The following CFAP46 variants were observed in gnomAD, a reference collection of about 807,000 sequenced individuals.
CFAP46 encodes the protein cilia and flagella associated protein 46.
A neutral mutation model predicts 325.7 loss-of-function variants in CFAP46; 245 were observed. The ratio of observed to expected loss-of-function variants is 0.75; its 90% confidence interval spans 0.68 to 0.84. The LOEUF is 0.84. Among genes scored for constraint, CFAP46 ranks in the 40% least tolerant of loss-of-function variants. CFAP46 has a pLI of 0.00. For missense variants in CFAP46, 3,346 were observed against 3,543.0 expected (o/e 0.94, Z 1.41); for synonymous variants, 1,523 against 1,495.9 (o/e 1.02, Z -0.42).
intron 3 of CFAP46, among the ~76,000 whole-genome samples, chr10:132,941,381 G>A (rs1182470643): frequency 1.3e-5 from 2 of 152,236 alleles, no homozygotes; most frequent in Non-Finnish European, 2.9e-5. Context: ...GCTGCTACGA[G>A]GCAAAGGTCC....
At chr10:132,821,175 ATGTGTGCTG>A (rs1417004439) in intron 50 of CFAP46, among the ~76,000 whole-genome samples, 6 of 82,790 alleles carry the variant, frequency 7.2e-5, no homozygotes, top group South Asian at 4.3e-4. Context: ...CTGTGCGCTG[ATGTGTGCTG>A]TGTGTGCTGT....
intron 20 of CFAP46, among the ~76,000 whole-genome samples, 153 bp downstream of exon 20, chr10:132,909,766 G>A (rs907509119): frequency 9.2e-5 from 14 of 152,208 alleles, no homozygotes; most frequent in Admixed American, 7.2e-4. Context: ...AGCCAGCGGC[G>A]GTGAGCTCAG....
intron 17 of CFAP46, among the ~76,000 whole-genome samples, chr10:132,914,824 G>A (rs972152140): frequency 5.9e-5 from 9 of 151,784 alleles, no homozygotes; most frequent in East Asian, 1.9e-4. Context: ...ACCCCGGCCC[G>A]AGGCTGTGTC....
chr10:132,920,268 G>A (rs980999077), intron 13 of CFAP46, 86 bp from the exon 14 acceptor site: 1 of 1,416,902 alleles, frequency 7.1e-7, no homozygotes, highest in African/African-American at 1.5e-5. Flanking sequence ...CCCTGCGCCG[G>A]CGCCGGGGTG....
intron 50 of CFAP46, among the ~76,000 whole-genome samples, chr10:132,822,078 TGCA>T (rs1847858149): frequency 1.4e-5 from 2 of 145,846 alleles, no homozygotes; most frequent in Admixed American, 6.7e-5. Flanking sequence ...GTGCTGTGTG[TGCA>T]GTGATGTGTG....
At position 132,857,599 on chromosome 10, in the gene CFAP46, T is replaced by A. The variant is rs1848660692; in HGVS notation, c.5565A>T (p.Ser1855=). The A allele has an allele frequency of 1.9e-6, 3 of 1,613,160 alleles. No homozygotes were observed. Among genetic ancestry groups the A allele is most frequent in the Non-Finnish European group, 2.5e-6 (3 of 1,179,798 alleles). ...CAGGACACCTGCTTACGTCTTGAAGTGACAATAGGCCCTGGACGCTGTGAA... is the reference window on the plus strand; with the variant it reads ...CAGGACACCTGCTTACGTCTTGAAGAGACAATAGGCCCTGGACGCTGTGAA... The part of the protein sequence containing the change: ...GRLHSVQGLL[S]LQDLQNVNTP... Residue 1855 remains serine (S), a synonymous_variant, in exon 39 of 58, where the codon TCA becomes TCT. Transcript: ENST00000368586.
chr10:132,913,213 C>G lies in CFAP46; in HGVS notation c.2166G>C (p.Leu722=), dbSNP rs1849581937. 1 of 1,550,498 alleles carries G rather than the reference C, an allele frequency of 6.4e-7. No individual in the cohort carries two copies. The highest frequency in any genetic ancestry group is 1.7e-4 in the Middle Eastern group (1 of 5,992). The change falls in exon 18 of 58, where the codon CTG becomes CTC. Residue 722 remains leucine, a synonymous_variant. Coordinates refer to ENST00000368586, the MANE Select transcript of CFAP46 (RefSeq NM_001200049.3). ...TCTCCTGTCCGATCTCTGCGGAGCG[C>G]AGCCAGTTATTCATGGCACACCGGG... ...SLSRCAMNNW[L]RSAEIGQEIQ...
Position 132,916,701 on chromosome 10 carries a change from G to A in CFAP46, c.1987-19C>T, listed in dbSNP as rs1849645287. 6.9e-7 allele frequency: 1 copy of A among 1,445,396 alleles called. No individual in the cohort carries two copies. The highest frequency in any genetic ancestry group is 1.4e-5 in the South Asian group (1 of 69,450). The allele number at this position is 1,445,396 out of a possible 1,614,324, so 89.5% of individuals were successfully genotyped here. On this transcript the variant is annotated intron_variant, in intron 16 of 57. Transcript: ENST00000368586. ...CCGTGGCCTGCAAAACACACATGCG[G>A]TGGGAGGGGTCATGGGCGGAGCACG... is the stretch of plus-strand genomic sequence containing the variant.
At position 132,827,790 on chromosome 10, in the gene CFAP46, AC is replaced by A. The variant is rs2134959446; in HGVS notation, c.7117+5567del. Among the ~76,000 whole-genome samples, 1 of 58,544 alleles carries A rather than the reference AC, an allele frequency of 1.7e-5. No individual in the cohort carries two copies. The allele number at this position is 58,544 out of a possible 152,430, so 38.4% of individuals were successfully genotyped here. A position where few individuals can be genotyped will look rare whatever the true frequency, so the allele number is the denominator to read the frequency against. On this transcript the variant is annotated intron_variant, in intron 50 of 57. Transcript: ENST00000368586. This position sits in a 1 kb window ranked among gnomAD's most constrained non-coding sequence, Gnocchi z 5.7. ...AACTTCTCCTGCAGCCCCAGCCCCC[AC>A]CCCCAGGAAGCAACTTACCTGCCTT...
intron 8 of CFAP46, 31 bp downstream of exon 8, chr10:132,934,721 G>T (rs1234206369): frequency 3.0e-6 from 4 of 1,342,084 alleles, no homozygotes; most frequent in Non-Finnish European, 4.2e-6. Flanking sequence ...CGATTATGAA[G>T]ATGTGATATT....
Position 132,879,447 on chromosome 10 carries a change from G to A in CFAP46, c.3984C>T (p.Ala1328=). Residue 1328 remains alanine (A), a synonymous_variant, in exon 29 of 58, where the codon GCC becomes GCT. Coordinates refer to ENST00000368586, the MANE Select transcript of CFAP46 (RefSeq NM_001200049.3). The part of the protein sequence containing the change: ...GYEDCCLAAY[A]FFRHIWQVSL... ...TCACCTGCCAGATGTGCCTGAAGAA[G>A]GCGTAGGCTGCAAGGCAGCAGTCCT... 1 of 1,534,248 alleles carries A rather than the reference G, an allele frequency of 6.5e-7. No homozygotes were observed. Among genetic ancestry groups the A allele is most frequent in the Non-Finnish European group, 8.8e-7 (1 of 1,137,966 alleles).
rs936217126 is a variant in CFAP46, at chr10:132,832,317, C to T, written c.7117+1041G>A. Among the ~76,000 whole-genome samples, 1 of 151,180 alleles carries T rather than the reference C, an allele frequency of 6.6e-6. No individual in the cohort carries two copies. The highest frequency in any genetic ancestry group is 2.4e-5 in the African/African-American group (1 of 40,936). ...CTCCTTCCAGGTGTCCCGCCCTGCACGTTGTAGTTGTCAGTTTCCCAGACT... is the reference window on the plus strand; with the variant it reads ...CTCCTTCCAGGTGTCCCGCCCTGCATGTTGTAGTTGTCAGTTTCCCAGACT... On this transcript the variant is annotated intron_variant, in intron 50 of 57. Transcript: ENST00000368586. This position sits in a 1 kb window ranked among gnomAD's most constrained non-coding sequence, Gnocchi z 4.1.
intron 44 of CFAP46, among the ~76,000 whole-genome samples, chr10:132,844,649 G>A (rs1419802864): frequency 2.6e-5 from 4 of 152,100 alleles, no homozygotes; most frequent in Admixed American, 1.3e-4. Context: ...GCCCCAGGCC[G>A]CCTCCTGGCC....
Position 132,857,796 on chromosome 10 carries a change from A to T in CFAP46, c.5376-8T>A, listed in dbSNP as rs768014126. The T allele has an allele frequency of 6.6e-7, 1 of 1,506,392 alleles. No individual in the cohort carries two copies. 93.3% of individuals were successfully genotyped at this position (1,506,392 alleles called of 1,614,324 possible). A position where few individuals can be genotyped will look rare whatever the true frequency, so the allele number is the denominator to read the frequency against. ...TCGTTCTGGGCACGTAACCTTTATAAGACATAAGAATGGAATTTTAAAACA... is the reference window on the plus strand; with the variant it reads ...TCGTTCTGGGCACGTAACCTTTATATGACATAAGAATGGAATTTTAAAACA... On this transcript the variant is annotated splice_region_variant and splice_polypyrimidine_tract_variant and intron_variant, in intron 38 of 57. Coordinates refer to ENST00000368586, the MANE Select transcript of CFAP46 (RefSeq NM_001200049.3).
At chr10:132,866,298 G>T in intron 34 of CFAP46, 127 bp from the exon 35 acceptor site, 1 of 1,028,540 alleles carries the variant, frequency 9.7e-7, no homozygotes, top group Non-Finnish European at 1.3e-6. Flanking sequence ...AGGGCTCCCT[G>T]CTGGCCTAGG....
Position 132,938,568 on chromosome 10 carries a change from GGCACGGCGA to G in CFAP46, c.536+12_536+20del. 1 of 1,610,284 alleles carries G rather than the reference GGCACGGCGA, an allele frequency of 6.2e-7. No homozygotes were observed. On this transcript the variant is annotated intron_variant, in intron 5 of 57. Transcript: ENST00000368586. ...GGCGGCCCACCGGGAGGCCACAGAG[GGCACGGCGA>G]GCTCAACTCACAGCATCAGCTCAGC... is the stretch of plus-strand genomic sequence containing the variant.
intron 8 of CFAP46, among the ~76,000 whole-genome samples, chr10:132,933,695 A>T (rs764866123): frequency 6.6e-6 from 1 of 152,182 alleles, no homozygotes; most frequent in South Asian, 2.1e-4. Context: ...CGGAGACCTC[A>T]ATGTTGGGCA....
chr10:132,871,715 G>A (rs1848897843), intron 32 of CFAP46, among the ~76,000 whole-genome samples: 1 of 152,234 alleles, frequency 6.6e-6, no homozygotes. Context: ...TTATGGATGA[G>A]CAGAGAAAGT....
chr10:132,831,605 T>G (rs2134981689), intron 50 of CFAP46, among the ~76,000 whole-genome samples: 1 of 152,330 alleles, frequency 6.6e-6, no homozygotes, highest in South Asian at 2.1e-4. Context: ...ATCCTTTCTT[T>G]TTAACTTACC....
Sources: allele counts gnomAD v4.1 joint callset (sites outside exome capture counted in the v4.1 genomes callset), GRCh38; gene constraint gnomAD v4.1.1; non-coding constraint Gnocchi (gnomAD v3.1); transcripts MANE v1.5; gene names NCBI Gene and HGNC (gene_info 2026-07-23, HGNC 2026-07-21).